Variants in CLCNKB observed in about 807,000 individuals in gnomAD.
CLCNKB encodes chloride voltage-gated channel Kb.
Under a neutral mutation model 83.8 loss-of-function variants are expected in CLCNKB, and 74 were observed. The ratio of observed to expected loss-of-function variants is 0.88; its 90% CI spans 0.73 to 1.07. The LOEUF (loss-of-function observed/expected upper bound fraction) is 1.07. Among genes scored for constraint, CLCNKB ranks in the 50% least tolerant of loss-of-function variants. The pLI is 0.00. For missense variants in CLCNKB, 798 were observed against 893.6 expected, an observed-to-expected ratio of 0.89 and a Z score of 1.36; for synonymous variants, 358 against 356.6, an observed-to-expected ratio of 1.00 and a Z score of -0.04.
rs112864588 is a variant in CLCNKB, at chr1:16,056,127, G to A, written c.1930-295G>A. Among the ~76,000 whole-genome samples the A allele has an allele frequency of 4.0e-3, 609 of 152,322 alleles. 8 individuals carry two copies. Among genetic ancestry groups the A allele is most frequent in the African/African-American group, 0.014 (581 of 41,550 alleles). On this transcript the variant is annotated intron_variant, in intron 18 of 19. Transcript: ENST00000375679. ...ACTTAACCACTCAGGACAGAGCCTG[G>A]CACACGGGTTGGGGAGGGGCAGAGG...
chr1:16,045,694 C>T lies in CLCNKB; in HGVS notation c.229+8C>T, dbSNP rs2023079949. The T allele has an allele frequency of 6.2e-7, 1 of 1,613,196 alleles. No individual in the cohort carries two copies. The highest frequency in any genetic ancestry group is 1.3e-5 in the African/African-American group (1 of 75,018). ...TTGAGAGTGTGGTCCGAGGTAACCC[C>T]TCCATGGCAGGTGCTGCTCTGGGCC... On this transcript the variant is annotated splice_region_variant and intron_variant, in intron 3 of 19. Transcript: ENST00000375679.
intron 1 of CLCNKB, among the ~76,000 whole-genome samples, chr1:16,044,175 C>A (rs1224999476): frequency 6.6e-6 from 1 of 152,016 alleles, no homozygotes; most frequent in Non-Finnish European, 1.5e-5. Flanking sequence ...CGGCTGCCAC[C>A]GAAGGGGAAG....
chr1:16,048,611 G>A (rs751517658), intron 7 of CLCNKB, 29 bp downstream of exon 7: 2 of 1,612,264 alleles, frequency 1.2e-6, no homozygotes, highest in South Asian at 2.2e-5. Flanking sequence ...CCGCCCCCTG[G>A]GTCCCTCAAG....
At chr1:16,048,866 A>T (rs2023188029) in intron 7 of CLCNKB, 18 of 1,441,684 alleles carry the variant, frequency 1.2e-5, no homozygotes, top group Non-Finnish European at 1.3e-5. Context: ...TTCCTCCTCT[A>T]CAAAATGGAG....
intron 18 of CLCNKB, 93 bp downstream of exon 18, chr1:16,055,851 C>G (rs868677534): frequency 8.6e-7 from 1 of 1,163,032 alleles, no homozygotes; most frequent in Middle Eastern, 2.1e-4. Flanking sequence ...CCTCCCAACC[C>G]CGCCCTGCCC....
chr1:16,048,931 G>A (rs1221058458), intron 7 of CLCNKB, 189 bp from the exon 8 acceptor site: 6 of 1,469,744 alleles, frequency 4.1e-6, no homozygotes, highest in Non-Finnish European at 5.4e-6. Context: ...TTCCAGGCTG[G>A]ACGGGTCTCT....
At position 16,049,006 on chromosome 1, in the gene CLCNKB, G is replaced by T. The variant is rs746246914; in HGVS notation, c.656-114G>T. On this transcript the variant is annotated intron_variant, in intron 7 of 19. Transcript: ENST00000375679. ...CCTCCCCTCCTGTCTGTCCCTGTCC[G>T]GGCTGCAGGAGAGCAGGACAGATGG... 3 of 1,601,112 alleles carry T rather than the reference G, an allele frequency of 1.9e-6. No homozygotes were observed. In the East Asian group the frequency reaches 6.7e-5, roughly 36 times the overall value.
In CLCNKB at chr1:16,048,682, G is replaced by A. The variant is rs1041130663; in HGVS notation, c.655+100G>A. Reference sequence around the variant, plus strand: ...CTGAGAGCCTGGAGGAGGGGGTGGGGCTCATTCTAGTTCTCACTTCAGCCC... The same window carrying A: ...CTGAGAGCCTGGAGGAGGGGGTGGGACTCATTCTAGTTCTCACTTCAGCCC... On this transcript the variant is annotated intron_variant, in intron 7 of 19. Coordinates refer to ENST00000375679, the MANE Select transcript of CLCNKB (RefSeq NM_000085.5). 8 of 1,561,722 alleles carry A rather than the reference G, an allele frequency of 5.1e-6. No homozygotes were observed. The African/African-American group carries it at 8.1e-5, about 16-fold the overall frequency.
intron 4 of CLCNKB, 51 bp from the exon 5 acceptor site, chr1:16,047,854 A>G (rs1431654328): frequency 6.2e-7 from 1 of 1,601,846 alleles, no homozygotes; most frequent in South Asian, 1.1e-5. Context: ...GAGTGTTGAG[A>G]TTTTTAACCT....
chr1:16,051,809 A>G lies in CLCNKB; in HGVS notation c.1397A>G (p.Tyr466Cys). Residue 466 changes from tyrosine to cysteine, a missense_variant, in exon 14 of 20, where the codon TAT (tyrosine) becomes TGT (cysteine). Transcript: ENST00000375679. ...GITNPIMPGG[Y>C]ALAGAAAFSG... is the part of the protein sequence containing the mutation. ...ACCAATCCCATCATGCCAGGGGGGTATGCTCTGGCAGGTGAGTGGGTCAGG... is the reference window on the plus strand; with the variant it reads ...ACCAATCCCATCATGCCAGGGGGGTGTGCTCTGGCAGGTGAGTGGGTCAGG... The G allele has an allele frequency of 6.2e-6, 10 of 1,611,904 alleles. No homozygotes were observed. Among genetic ancestry groups the G allele is most frequent in the Non-Finnish European group, 7.6e-6 (9 of 1,178,300 alleles).
intron 14 of CLCNKB, 74 bp downstream of exon 14, chr1:16,051,894 T>A (rs2023307727): frequency 1.5e-6 from 2 of 1,293,880 alleles, no homozygotes; most frequent in Non-Finnish European, 2.2e-6. Flanking sequence ...GGCTGGTGGT[T>A]CCCCAGGGCA....
At chr1:16,046,720 G>C (rs530206349) in intron 4 of CLCNKB, 57 bp downstream of exon 4, 38 of 1,606,674 alleles carry the variant, frequency 2.4e-5, no homozygotes, top group South Asian at 5.5e-5. Context: ...CAGATCCCAG[G>C]GGGGAGTCGG....
At chr1:16,055,642 A>G (rs374470029) in intron 17 of CLCNKB, 33 bp from the exon 18 acceptor site, 4 of 1,611,018 alleles carry the variant, frequency 2.5e-6, no homozygotes, top group Middle Eastern at 1.6e-4. Context: ...TGGGGAGGCC[A>G]GCCCTGCACC....
intron 15 of CLCNKB, 127 bp downstream of exon 15, chr1:16,052,538 G>C (rs2023328469): frequency 8.9e-7 from 1 of 1,121,390 alleles, no homozygotes; most frequent in Admixed American, 2.2e-5. Context: ...ACACACAGCT[G>C]TGCTCTGTTC....
At chr1:16,044,158 G>A (rs895699468) in intron 1 of CLCNKB, among the ~76,000 whole-genome samples, 2 of 151,990 alleles carry the variant, frequency 1.3e-5, no homozygotes, top group African/African-American at 4.8e-5. Flanking sequence ...ACCCAGGAGG[G>A]TGGGAGCGGC....
At chr1:16,055,561 T>TGGGGGGGGGGGG in intron 17 of CLCNKB, 38 bp downstream of exon 17, 1 of 1,187,658 alleles carries the variant, frequency 8.4e-7, no homozygotes, top group Non-Finnish European at 1.2e-6. Context: ...GGGGCGGGGG[T>TGGGGGGGGGGGG]GGGTCAGCAG....
chr1:16,052,682 G>A (rs1315266931), intron 15 of CLCNKB, among the ~76,000 whole-genome samples: 1 of 152,202 alleles, frequency 6.6e-6, no homozygotes, highest in Non-Finnish European at 1.5e-5. Context: ...GGAAACCGGG[G>A]CTCAGAGAGG....
At chr1:16,050,834 T>C (rs1260006691) in intron 11 of CLCNKB, 41 bp from the exon 12 acceptor site, 7 of 1,609,982 alleles carry the variant, frequency 4.3e-6, no homozygotes, top group Non-Finnish European at 5.9e-6. Flanking sequence ...GGTCTGCCGC[T>C]GGGGGCCCCT....
At position 16,048,502 on chromosome 1, in the gene CLCNKB, A is replaced by G; in HGVS notation, c.577-2A>G. The stretch of plus-strand genomic sequence containing the variant: ...TCTGAGCCCTGGACTCGGATCCCCC[A>G]GAACAAGAGCAAGCAAAACGAAATG... On this transcript the variant is annotated splice_acceptor_variant, in intron 6 of 19. Transcript: ENST00000375679. LOFTEE classifies it high-confidence loss of function. 6.2e-6 allele frequency: 10 copies of G among 1,613,366 alleles called. No homozygotes were observed. The highest frequency in any genetic ancestry group is 8.5e-6 in the Non-Finnish European group (10 of 1,179,698).
Sources: gnomAD v4.1 joint callset for allele counts (sites outside exome capture counted in the v4.1 genomes callset) on GRCh38, gnomAD v4.1.1 for gene constraint, MANE v1.5 for transcripts, NCBI Gene and HGNC (gene_info 2026-07-23, HGNC 2026-07-21) for gene names.